The following KLHL1 variants were observed in gnomAD, a reference collection of about 807,000 sequenced individuals.
KLHL1 encodes the protein kelch like family member 1, also known as kelch-like protein 1.
Under a neutral mutation model 77.7 loss-of-function variants are expected in KLHL1, and 47 were observed. The ratio of observed to expected loss-of-function variants is 0.60; its 90% CI spans 0.48 to 0.77. KLHL1 has a LOEUF of 0.77. KLHL1 is among the 30% of genes least tolerant of loss of function. The probability of loss-of-function intolerance (pLI) is 0.00; values close to 1 mark genes in which losing one functional copy is unlikely to be tolerated. For missense variants in KLHL1, 925 were observed against 910.8 expected, an observed-to-expected ratio of 1.02 and a Z score of -0.20; for synonymous variants, 360 against 325.2, an observed-to-expected ratio of 1.11 and a Z score of -1.15.
At chr13:70,029,926 C>CA (rs1593687910) in intron 1 of KLHL1, among the ~76,000 whole-genome samples, 3 of 151,832 alleles carry the variant, frequency 2.0e-5, no homozygotes, top group African/African-American at 4.8e-5. Flanking sequence ...AAATGGAAAA[C>CA]AAAAAAAGGC....
chr13:69,927,946 C>A (rs143582665), intron 4 of KLHL1, among the ~76,000 whole-genome samples: 26 of 152,256 alleles, frequency 1.7e-4, no homozygotes, highest in African/African-American at 6.0e-4. Context: ...ATGTTCATAG[C>A]AGTCAAGCTA....
chr13:69,890,006 T>G (rs1319650625), intron 4 of KLHL1, among the ~76,000 whole-genome samples: 1 of 152,122 alleles, frequency 6.6e-6, no homozygotes, highest in Non-Finnish European at 1.5e-5. Context: ...TTTTATGGGA[T>G]TCTTTCTCTA....
chr13:69,928,198 T>C (rs1255517430), intron 4 of KLHL1, among the ~76,000 whole-genome samples: 1 of 152,224 alleles, frequency 6.6e-6, no homozygotes, highest in Non-Finnish European at 1.5e-5. Context: ...GCCAACCTGT[T>C]TGAAGACTCT....
At chr13:70,051,247 TATC>T (rs1444080026) in intron 1 of KLHL1, among the ~76,000 whole-genome samples, 1 of 152,018 alleles carries the variant, frequency 6.6e-6, no homozygotes, top group East Asian at 1.9e-4. Flanking sequence ...TAATTAGTAA[TATC>T]ATGTGTTTCC....
At chr13:70,009,927 G>A (rs1885491170) in intron 1 of KLHL1, among the ~76,000 whole-genome samples, 3 of 151,824 alleles carry the variant, frequency 2.0e-5, no homozygotes, top group African/African-American at 7.3e-5. Flanking sequence ...CTGGATGAAA[G>A]AGAGAAGATA....
At chr13:69,790,506 C>G (rs1470550475) in intron 7 of KLHL1, among the ~76,000 whole-genome samples, 2 of 152,006 alleles carry the variant, frequency 1.3e-5, no homozygotes, top group African/African-American at 4.8e-5. Context: ...AACTCTAGAC[C>G]AGTATCTCTT....
At chr13:69,790,806 T>C (rs534121927) in intron 7 of KLHL1, among the ~76,000 whole-genome samples, 1 of 151,996 alleles carries the variant, frequency 6.6e-6, no homozygotes, top group South Asian at 2.1e-4. Context: ...TCCCAGCACT[T>C]TGGGAGGCCG....
chr13:69,981,642 T>A (rs1429312398), intron 1 of KLHL1, among the ~76,000 whole-genome samples: 2 of 152,030 alleles, frequency 1.3e-5, no homozygotes, highest in Non-Finnish European at 2.9e-5. Flanking sequence ...TTTTAATTTT[T>A]AAAAAATATT....
At chr13:70,004,804 T>C (rs1300967471) in intron 1 of KLHL1, among the ~76,000 whole-genome samples, 2 of 151,716 alleles carry the variant, frequency 1.3e-5, no homozygotes, top group Non-Finnish European at 2.9e-5. Context: ...AAAATTACTG[T>C]ACTAATTAAA....
At chr13:69,860,760 TAATA>T (rs1018175604) in intron 5 of KLHL1, among the ~76,000 whole-genome samples, 1 of 150,608 alleles carries the variant, frequency 6.6e-6, no homozygotes, top group Admixed American at 6.6e-5. Context: ...AGATGAACAA[TAATA>T]GATAATAAAA....
chr13:69,769,217 T>G (rs1875449201), intron 7 of KLHL1, among the ~76,000 whole-genome samples: 1 of 152,184 alleles, frequency 6.6e-6, no homozygotes. Flanking sequence ...GAAAAAGATT[T>G]TTTCTCTAGG....
chr13:69,736,231 A>T (rs186183288), intron 8 of KLHL1, among the ~76,000 whole-genome samples: 1 of 152,242 alleles, frequency 6.6e-6, no homozygotes, highest in East Asian at 1.9e-4. Context: ...GGCTAAGGAC[A>T]TGAATAGACA....
chr13:69,781,762 A>G (rs1876224550), intron 7 of KLHL1, among the ~76,000 whole-genome samples: 1 of 152,146 alleles, frequency 6.6e-6, no homozygotes, highest in African/African-American at 2.4e-5. Context: ...GAATCATTTT[A>G]GAAGCTCTGT....
At chr13:70,042,715 G>A (rs927128573) in intron 1 of KLHL1, among the ~76,000 whole-genome samples, 5 of 152,016 alleles carry the variant, frequency 3.3e-5, no homozygotes, top group Admixed American at 6.6e-5. Context: ...CTTTGAGCAC[G>A]GACTCCTATG....
At chr13:69,787,729 CA>C (rs1328288471) in intron 7 of KLHL1, among the ~76,000 whole-genome samples, 2 of 152,040 alleles carry the variant, frequency 1.3e-5, no homozygotes, top group African/African-American at 2.4e-5. Context: ...AGGCAACCTA[CA>C]AAATGGGAGA....
chr13:69,725,165 G>A lies in KLHL1; in HGVS notation c.1803-5584C>T, dbSNP rs546200462. Among the ~76,000 whole-genome samples, 15 of 152,292 alleles carry A rather than the reference G, an allele frequency of 9.8e-5. No homozygotes were observed. In the South Asian group the frequency reaches 2.9e-3, roughly 29 times the overall value. On this transcript the variant is annotated intron_variant, in intron 8 of 10. Coordinates refer to ENST00000377844, the MANE Select transcript of KLHL1 (RefSeq NM_020866.3). ...CAATTCTCTACTCTCTGACCAAGAG[G>A]AAGTCACTATCTTTATCTTCCAACT...
intron 4 of KLHL1, among the ~76,000 whole-genome samples, chr13:69,891,207 C>T (rs367999150): frequency 1.3e-5 from 2 of 152,006 alleles, no homozygotes; most frequent in East Asian, 1.9e-4. Flanking sequence ...ACAACTCTGC[C>T]GGACTGAAGT....
intron 1 of KLHL1, among the ~76,000 whole-genome samples, chr13:70,086,124 G>A (rs1392401621): frequency 6.6e-6 from 1 of 152,118 alleles, no homozygotes; most frequent in African/African-American, 2.4e-5. Flanking sequence ...CACATACTGA[G>A]AGGCAGAAGT....
intron 1 of KLHL1, among the ~76,000 whole-genome samples, chr13:70,099,485 C>T (rs1008927465): frequency 2.6e-5 from 4 of 151,926 alleles, no homozygotes; most frequent in Non-Finnish European, 5.9e-5. Context: ...ACTCAATGTA[C>T]ATATTTCAGC....
Sources: allele counts gnomAD v4.1 joint callset (sites outside exome capture counted in the v4.1 genomes callset), GRCh38; gene constraint gnomAD v4.1.1; transcripts MANE v1.5; gene names NCBI Gene and HGNC (gene_info 2026-07-23, HGNC 2026-07-21).